The following ATP2B2 variants were observed in gnomAD, a reference collection of about 807,000 sequenced individuals.
ATP2B2 encodes ATPase plasma membrane Ca2+ transporting 2, also known as plasma membrane calcium-transporting ATPase 2.
ATP2B2 carries 15 observed loss-of-function variants against 120.0 expected under a neutral mutation model. The ratio of observed to expected loss-of-function variants is 0.12; its 90% CI spans 0.08 to 0.19. ATP2B2 has a LOEUF of 0.19. Ranked by LOEUF, ATP2B2 falls within the 10% of genes least tolerant of loss-of-function variation. The pLI, the probability that ATP2B2 is intolerant of heterozygous loss-of-function variation, is 1.00. For synonymous variants in ATP2B2, 694 were observed against 700.3 expected, an observed-to-expected ratio of 0.99 and a Z score of 0.14; for missense variants, 1,045 against 1,719.8, an observed-to-expected ratio of 0.61 and a Z score of 6.94.
At chr3:10,513,807 T>C (rs892873622) in intron 3 of ATP2B2, among the ~76,000 whole-genome samples, 2 of 152,120 alleles carry the variant, frequency 1.3e-5, no homozygotes, top group Non-Finnish European at 2.9e-5. Context: ...AGCTGTAGGC[T>C]CAGGACTCTC....
chr3:10,670,309 G>T (rs1358930342), intron 1 of ATP2B2, among the ~76,000 whole-genome samples: 1 of 152,206 alleles, frequency 6.6e-6, no homozygotes, highest in African/African-American at 2.4e-5. Flanking sequence ...GTTTGAGGTT[G>T]CTGCTAGGAG....
chr3:10,617,949 C>T (rs1282259625), intron 2 of ATP2B2, among the ~76,000 whole-genome samples: 1 of 152,008 alleles, frequency 6.6e-6, no homozygotes, highest in Non-Finnish European at 1.5e-5. Flanking sequence ...GTTGACCCCA[C>T]TAGAATAGCC....
intron 22 of ATP2B2, chr3:10,332,150 G>T (rs1394021094): frequency 2.3e-6 from 2 of 871,172 alleles, no homozygotes; most frequent in Non-Finnish European, 3.8e-6. Flanking sequence ...TTACCAAAAC[G>T]CTAATGAGAA....
chr3:10,419,598 C>G (rs372552603), intron 2 of ATP2B2, among the ~76,000 whole-genome samples: 191 of 152,346 alleles, frequency 1.3e-3, no homozygotes, highest in African/African-American at 4.4e-3. Flanking sequence ...GTGGATCACT[C>G]AGCCTCTCCG....
At chr3:10,335,654 A>G (rs1253777007) in intron 22 of ATP2B2, among the ~76,000 whole-genome samples, 1 of 152,156 alleles carries the variant, frequency 6.6e-6, no homozygotes, top group Non-Finnish European at 1.5e-5. Context: ...GCTCCCCTTG[A>G]CCCACAGTGA....
chr3:10,451,967 G>A (rs369228266), intron 1 of ATP2B2, among the ~76,000 whole-genome samples: 1 of 152,160 alleles, frequency 6.6e-6, no homozygotes, highest in African/African-American at 2.4e-5. Flanking sequence ...ATTCTATAAG[G>A]GTTGACCAGA....
chr3:10,642,731 T>A (rs1020482357), intron 1 of ATP2B2, among the ~76,000 whole-genome samples: 2 of 149,390 alleles, frequency 1.3e-5, no homozygotes, highest in Non-Finnish European at 3.0e-5. Context: ...CCGTGGATAA[T>A]CTGCTTTGGG....
intron 1 of ATP2B2, among the ~76,000 whole-genome samples, chr3:10,486,361 C>G (rs1575380785): frequency 1.1e-5 from 1 of 91,840 alleles, no homozygotes; most frequent in Admixed American, 1.2e-4. Context: ...GTGTGTGTGT[C>G]TCAGCCCTGC....
At chr3:10,467,821 G>A (rs2064813456) in intron 1 of ATP2B2, among the ~76,000 whole-genome samples, 1 of 152,012 alleles carries the variant, frequency 6.6e-6, no homozygotes, top group East Asian at 1.9e-4. Flanking sequence ...CGTGAGAGCA[G>A]CAAAGTTTTA....
intron 1 of ATP2B2, among the ~76,000 whole-genome samples, chr3:10,661,739 G>GA (rs1272187733): frequency 6.6e-6 from 1 of 152,152 alleles, no homozygotes; most frequent in African/African-American, 2.4e-5. Flanking sequence ...CACAGAATTG[G>GA]AAAAAACTAC....
At chr3:10,396,237 G>C (rs73814212) in intron 5 of ATP2B2, among the ~76,000 whole-genome samples, 1,580 of 152,356 alleles carry the variant, frequency 0.01, 35 homozygotes, top group African/African-American at 0.035. Context: ...GTTTGCAAAG[G>C]ACAGTCACAC....
At chr3:10,486,340 T>C (rs866962264) in intron 1 of ATP2B2, among the ~76,000 whole-genome samples, 2 of 151,134 alleles carry the variant, frequency 1.3e-5, no homozygotes, top group African/African-American at 4.9e-5. Context: ...TGTGTGTGTG[T>C]GTGTGTGTGT....
In ATP2B2 at chr3:10,536,483, C is replaced by T. The variant is rs188701364; in HGVS notation, c.-414-2350G>A. ...TCCTTCCTCCTTCCTCCTCCTCCTC[C>T]TCTTTCTCCTTCTCCTTCTTTTCCT... On this transcript the variant is annotated intron_variant, in intron 2 of 21. Coordinates refer to the ATP2B2 transcript ENST00000646379. Among the ~76,000 whole-genome samples the T allele has an allele frequency of 7.1e-4, 108 of 151,366 alleles. 2 individuals carry two copies. Among genetic ancestry groups the T allele is most frequent in the Admixed American group, 1.4e-3 (21 of 15,106 alleles).
chr3:10,354,413 T>C (rs2060657678), intron 14 of ATP2B2, among the ~76,000 whole-genome samples: 3 of 152,238 alleles, frequency 2.0e-5, no homozygotes, highest in Admixed American at 6.5e-5. Context: ...GCTAAAATTA[T>C]CCTAGATATT....
intron 1 of ATP2B2, among the ~76,000 whole-genome samples, chr3:10,498,863 A>G (rs1330588895): frequency 6.6e-6 from 1 of 152,222 alleles, no homozygotes; most frequent in East Asian, 1.9e-4. Context: ...TCCTTGGACT[A>G]GGATGTGCCC....
intron 2 of ATP2B2, among the ~76,000 whole-genome samples, chr3:10,434,267 T>G (rs1177201352): frequency 1.3e-5 from 2 of 152,248 alleles, no homozygotes; most frequent in African/African-American, 4.8e-5. Flanking sequence ...GATCTGTAGT[T>G]TCAAAGGAAG....
intron 2 of ATP2B2, among the ~76,000 whole-genome samples, chr3:10,413,323 A>G (rs577830382): frequency 6.6e-6 from 1 of 152,350 alleles, no homozygotes; most frequent in Non-Finnish European, 1.5e-5. Context: ...TCCAAGGGCC[A>G]GGCTGGCTGA....
At chr3:10,529,011 C>A (rs61673754) in intron 3 of ATP2B2, among the ~76,000 whole-genome samples, 3 of 152,172 alleles carry the variant, frequency 2.0e-5, no homozygotes, top group Non-Finnish European at 4.4e-5. Context: ...AAAGGGGGTC[C>A]AGCACTGACC....
chr3:10,386,404 C>A, intron 7 of ATP2B2, 76 bp downstream of exon 7: 1 of 1,527,516 alleles, frequency 6.5e-7, no homozygotes, highest in South Asian at 1.1e-5. Flanking sequence ...TGCTGGTGGT[C>A]TAGGGGCAGG....
Sources: allele counts gnomAD v4.1 joint callset (sites outside exome capture counted in the v4.1 genomes callset), GRCh38; gene constraint gnomAD v4.1.1; transcripts MANE v1.5; gene names NCBI Gene and HGNC (gene_info 2026-07-23, HGNC 2026-07-21).